STRN: variants seen among roughly 807,000 people sequenced by gnomAD.
STRN encodes protein phosphatase 2 regulatory subunit B'''alpha.
Under a neutral mutation model 96.3 loss-of-function variants are expected in STRN, and 53 were observed. That is an observed-to-expected ratio of 0.55 (90% CI 0.44 to 0.69). The LOEUF is 0.69. STRN is among the 30% of genes least tolerant of loss of function. The pLI is 0.00. For missense variants in STRN, 987 were observed against 963.9 expected, an observed-to-expected ratio of 1.02 and a Z score of -0.32; for synonymous variants, 428 against 355.9, an observed-to-expected ratio of 1.20 and a Z score of -2.28.
At position 36,943,262 on chromosome 2, in the gene STRN, G is replaced by C. The variant is rs183320643; in HGVS notation, c.235-18054C>G. On this transcript the variant is annotated intron_variant, in intron 1 of 17. Coordinates refer to ENST00000263918, the MANE Select transcript of STRN (RefSeq NM_003162.4). ...CTCTTTATCCTCATCCCACTCCCCAGAGGTAATCAGTGTGAACAACTGCTG... is the reference window on the plus strand; with the variant it reads ...CTCTTTATCCTCATCCCACTCCCCACAGGTAATCAGTGTGAACAACTGCTG... 2.6e-3 allele frequency among the ~76,000 whole-genome samples: 400 copies of C among 152,026 alleles called. 3 individuals are homozygous for C. Among genetic ancestry groups the C allele is most frequent in the Non-Finnish European group, 4.4e-3 (297 of 67,984 alleles).
At chr2:36,901,193 A>C (rs1370628543) in intron 5 of STRN, among the ~76,000 whole-genome samples, 1 of 152,198 alleles carries the variant, frequency 6.6e-6, no homozygotes, top group East Asian at 1.9e-4. Flanking sequence ...CAAAACACAC[A>C]AGAGTGGTCT....
In STRN at chr2:36,841,494, A is replaced by G. The variant is rs1667950275; in HGVS notation, c.*7962T>C. On this transcript the variant is annotated 3_prime_UTR_variant, in exon 18 of 18. Transcript: ENST00000263918. ...CACACTGAGTGATATTATTCTATCA[A>G]GAGGATATTCTGAAATACGTGGGCT... 1 of 152,194 alleles carries G rather than the reference A, an allele frequency of 6.6e-6. No homozygotes were observed. The highest frequency in any genetic ancestry group is 2.1e-4 in the South Asian group (1 of 4,830). The allele number at this position is 152,194 out of a possible 1,614,324, so 9.4% of individuals were successfully genotyped here. A position where few individuals can be genotyped will look rare whatever the true frequency, so the allele number is the denominator to read the frequency against.
At chr2:36,857,811 CTG>C in intron 14 of STRN, 43 bp downstream of exon 14, 1 of 1,472,960 alleles carries the variant, frequency 6.8e-7, no homozygotes, top group Non-Finnish European at 9.2e-7. Flanking sequence ...TCAGAATAAA[CTG>C]TTTTATAGAG....
chr2:36,913,789 C>T (rs1278876159), intron 3 of STRN, among the ~76,000 whole-genome samples: 3 of 152,248 alleles, frequency 2.0e-5, no homozygotes, highest in African/African-American at 7.2e-5. Flanking sequence ...AGGTATTGTA[C>T]ACTAAGAAAA....
intron 9 of STRN, among the ~76,000 whole-genome samples, chr2:36,881,104 T>A (rs1455959562): frequency 1.4e-5 from 2 of 145,012 alleles, no homozygotes; most frequent in Non-Finnish European, 3.0e-5. Context: ...GCCTTTTAAA[T>A]GTGACACTGC....
intron 1 of STRN, among the ~76,000 whole-genome samples, chr2:36,963,873 C>T (rs1201532723): frequency 6.9e-6 from 1 of 145,024 alleles, no homozygotes; most frequent in African/African-American, 2.5e-5. Flanking sequence ...AGAAGGATTG[C>T]TTAAACTTGG....
chr2:36,953,552 G>A (rs900511719), intron 1 of STRN, among the ~76,000 whole-genome samples: 1 of 151,710 alleles, frequency 6.6e-6, no homozygotes, highest in Non-Finnish European at 1.5e-5. Context: ...ACAGGCACCC[G>A]CCACCACACC....
chr2:36,891,637 T>G (rs1312374085), intron 7 of STRN, among the ~76,000 whole-genome samples: 2 of 152,240 alleles, frequency 1.3e-5, no homozygotes, highest in Non-Finnish European at 2.9e-5. Flanking sequence ...TAATATCTCT[T>G]GTAGACCTTG....
Position 36,876,807 on chromosome 2 carries a change from G to T in STRN, c.1323+1084C>A, listed in dbSNP as rs752411859. 1.1e-4 allele frequency among the ~76,000 whole-genome samples: 16 copies of T among 151,662 alleles called. No homozygotes were observed. In the East Asian group the frequency reaches 1.4e-3, roughly 13 times the overall value. On this transcript the variant is annotated intron_variant, in intron 10 of 17. Transcript: ENST00000263918. The stretch of plus-strand genomic sequence containing the variant: ...CTGTCGCCCAGGCTGGAGTACAGTG[G>T]CGAGATCTTGGCTCACTGCAAGCTC...
At chr2:36,860,218 G>A (rs745584592) in intron 13 of STRN, among the ~76,000 whole-genome samples, 1 of 152,134 alleles carries the variant, frequency 6.6e-6, no homozygotes, top group Non-Finnish European at 1.5e-5. Context: ...AGAGAGATTC[G>A]AGTACAGTCA....
At chr2:36,913,901 T>C (rs945775134) in intron 3 of STRN, among the ~76,000 whole-genome samples, 3 of 152,130 alleles carry the variant, frequency 2.0e-5, no homozygotes, top group African/African-American at 7.2e-5. Flanking sequence ...AAATTTAAAA[T>C]GTTGGGGCAG....
rs58278911 is a variant in STRN, at chr2:36,845,915, G to GCACACACACACACACACACACACACACA, written c.*3513_*3540dup. On this transcript the variant is annotated 3_prime_UTR_variant, in exon 18 of 18. Coordinates refer to ENST00000263918, the MANE Select transcript of STRN (RefSeq NM_003162.4). ...CACACACACACACACACGCATGCAT[G>GCACACACACACACACACACACACACACA]CACACACACACACACACACACACAC... is the stretch of plus-strand genomic sequence containing the variant. 1 of 82,870 alleles carries GCACACACACACACACACACACACACACA rather than the reference G, an allele frequency of 1.2e-5. No individual in the cohort carries two copies. The highest frequency in any genetic ancestry group is 1.3e-4 in the Admixed American group (1 of 7,528). The allele number at this position is 82,870 out of a possible 1,614,324, so 5.1% of individuals were successfully genotyped here.
intron 1 of STRN, among the ~76,000 whole-genome samples, chr2:36,955,786 C>T (rs550619705): frequency 2.0e-4 from 30 of 152,146 alleles, no homozygotes; most frequent in Non-Finnish European, 4.4e-4. Flanking sequence ...ATGAAATGCT[C>T]GGGACCAGAA....
chr2:36,890,320 C>CA (rs940645358), intron 7 of STRN, among the ~76,000 whole-genome samples: 6 of 151,530 alleles, frequency 4.0e-5, no homozygotes, highest in East Asian at 3.9e-4. Flanking sequence ...TTATTTACTA[C>CA]AAAAAAAGGA....
chr2:36,896,747 G>A (rs930474471), intron 6 of STRN, among the ~76,000 whole-genome samples: 16 of 152,146 alleles, frequency 1.1e-4, no homozygotes, highest in African/African-American at 3.9e-4. Context: ...TGAATGTGGA[G>A]ACTAAATGCT....
intron 6 of STRN, among the ~76,000 whole-genome samples, chr2:36,897,757 G>C (rs1255822403): frequency 1.3e-5 from 2 of 152,020 alleles, no homozygotes; most frequent in African/African-American, 4.8e-5. Flanking sequence ...AAATTTTTGA[G>C]TGCAGTAGCA....
At chr2:36,856,334 T>C (rs1020826041) in intron 14 of STRN, among the ~76,000 whole-genome samples, 6 of 152,116 alleles carry the variant, frequency 3.9e-5, no homozygotes, top group Non-Finnish European at 8.8e-5. Context: ...ACACCTATAA[T>C]GAAAATATAT....
chr2:36,885,571 T>A (rs1252595197), intron 8 of STRN, among the ~76,000 whole-genome samples: 1 of 152,156 alleles, frequency 6.6e-6, no homozygotes, highest in African/African-American at 2.4e-5. Flanking sequence ...TACAACATCA[T>A]CTCTCATTAT....
chr2:36,872,584 G>C (rs2148154584), intron 10 of STRN, among the ~76,000 whole-genome samples: 1 of 152,270 alleles, frequency 6.6e-6, no homozygotes, highest in Admixed American at 6.5e-5. Context: ...CATAGCCATA[G>C]GTTACTGGTA....
Sources: gnomAD v4.1 joint callset for allele counts (sites outside exome capture counted in the v4.1 genomes callset) on GRCh38, gnomAD v4.1.1 for gene constraint, MANE v1.5 for transcripts, NCBI Gene and HGNC (gene_info 2026-07-23, HGNC 2026-07-21) for gene names.